PLXNC1: variants seen among roughly 807,000 people sequenced by gnomAD.
PLXNC1 encodes the protein plexin C1, also known as plexin-C1.
Under a neutral mutation model 178.2 loss-of-function variants are expected in PLXNC1, and 75 were observed. The ratio of observed to expected loss-of-function variants is 0.42; its 90% CI spans 0.35 to 0.51. The LOEUF is 0.51. Ranked by LOEUF, PLXNC1 falls within the 20% of genes least tolerant of loss-of-function variation. The probability of loss-of-function intolerance (pLI) is 0.02; values close to 1 mark genes in which losing one functional copy is unlikely to be tolerated. For synonymous variants in PLXNC1, 790 were observed against 779.9 expected, an observed-to-expected ratio of 1.01 and a Z score of -0.22; for missense variants, 1,503 against 1,984.4, an observed-to-expected ratio of 0.76 and a Z score of 4.61.
chr12:94,275,484 C>T (rs1053231517), intron 21 of PLXNC1, among the ~76,000 whole-genome samples: 23 of 152,168 alleles, frequency 1.5e-4, no homozygotes, highest in Non-Finnish European at 2.8e-4. Flanking sequence ...CAGAGGCCCG[C>T]GTGCACTTTC....
intron 4 of PLXNC1, among the ~76,000 whole-genome samples, chr12:94,202,881 G>A (rs1456398540): frequency 1.3e-5 from 2 of 152,234 alleles, no homozygotes; most frequent in African/African-American, 4.8e-5. Flanking sequence ...AACATGTATT[G>A]CAGACTGAGG....
intron 5 of PLXNC1, among the ~76,000 whole-genome samples, chr12:94,218,345 C>T (rs1000824002): frequency 3.9e-5 from 6 of 152,140 alleles, no homozygotes; most frequent in African/African-American, 7.2e-5. Flanking sequence ...TTAGACTTAG[C>T]AAGCTTATCA....
At chr12:94,197,305 C>T (rs190004025) in intron 4 of PLXNC1, among the ~76,000 whole-genome samples, 81 of 152,222 alleles carry the variant, frequency 5.3e-4, no homozygotes, top group African/African-American at 1.8e-3. Flanking sequence ...ACCTTTCGGA[C>T]GTGATTAGGT....
At chr12:94,249,928 T>TGTGGGGGTGTGGGGGG (rs1555203481) in intron 14 of PLXNC1, among the ~76,000 whole-genome samples, 1 of 81,620 alleles carries the variant, frequency 1.2e-5, no homozygotes, top group African/African-American at 5.6e-5. Flanking sequence ...AAAGCACCAG[T>TGTGGGGGTGTGGGGGG]GTGGGGGGGT....
intron 15 of PLXNC1, among the ~76,000 whole-genome samples, chr12:94,253,512 G>A (rs1162337306): frequency 6.6e-6 from 1 of 152,084 alleles, no homozygotes; most frequent in Non-Finnish European, 1.5e-5. Flanking sequence ...TGGAAAAAGG[G>A]GTTCCATGGT....
At position 94,196,449 on chromosome 12, in the gene PLXNC1, C is replaced by G. The variant is rs188966560; in HGVS notation, c.1439+9976C>G. ...TGACACACCTGTTCTCCCTTCGCTT[C>G]CAGCATGATTGGAAGCTTCCTGAGC... On this transcript the variant is annotated intron_variant, in intron 4 of 30. Coordinates refer to ENST00000258526, the MANE Select transcript of PLXNC1 (RefSeq NM_005761.3). Among the ~76,000 whole-genome samples, 352 of 152,292 alleles carry G rather than the reference C, an allele frequency of 2.3e-3. 1 individual carries two copies. Among genetic ancestry groups the G allele is most frequent in the African/African-American group, 8.0e-3 (333 of 41,566 alleles).
chr12:94,200,128 C>T (rs768064897), intron 4 of PLXNC1, among the ~76,000 whole-genome samples: 3 of 152,154 alleles, frequency 2.0e-5, no homozygotes, highest in African/African-American at 7.2e-5. Flanking sequence ...TAGTAACTGA[C>T]GTTCTCGGAC....
intron 1 of PLXNC1, among the ~76,000 whole-genome samples, chr12:94,161,506 G>T (rs1239450419): frequency 6.6e-6 from 1 of 152,178 alleles, no homozygotes; most frequent in Non-Finnish European, 1.5e-5. Context: ...GCTACCATCA[G>T]CTACTTTTAT....
intron 3 of PLXNC1, among the ~76,000 whole-genome samples, chr12:94,181,951 T>C (rs1962323914): frequency 6.6e-6 from 1 of 152,104 alleles, no homozygotes; most frequent in Non-Finnish European, 1.5e-5. Context: ...CTTTGGAATT[T>C]GGGGTTAATA....
intron 21 of PLXNC1, among the ~76,000 whole-genome samples, chr12:94,271,208 C>A (rs1965547685): frequency 6.6e-6 from 1 of 152,120 alleles, no homozygotes; most frequent in Admixed American, 6.5e-5. Flanking sequence ...TGCTCCAAGG[C>A]CTTTTATGAT....
intron 24 of PLXNC1, among the ~76,000 whole-genome samples, chr12:94,296,186 A>G (rs1443540707): frequency 3.9e-5 from 6 of 152,218 alleles, no homozygotes; most frequent in Admixed American, 2.6e-4. Flanking sequence ...TTTTTAAGAC[A>G]GTGTCTCGCT....
chr12:94,237,006 G>A (rs982671227), intron 9 of PLXNC1, among the ~76,000 whole-genome samples: 26 of 152,162 alleles, frequency 1.7e-4, no homozygotes, highest in African/African-American at 6.3e-4. Context: ...GGGACTCCAA[G>A]GGACATGTTC....
intron 23 of PLXNC1, among the ~76,000 whole-genome samples, chr12:94,286,667 CAG>C (rs1487557194): frequency 7.0e-6 from 1 of 143,534 alleles, no homozygotes; most frequent in Non-Finnish European, 1.5e-5. Context: ...GGGTCTAATT[CAG>C]AGTTTTAAGT....
intron 23 of PLXNC1, among the ~76,000 whole-genome samples, chr12:94,286,745 G>T (rs920484129): frequency 3.3e-5 from 5 of 151,882 alleles, no homozygotes; most frequent in African/African-American, 1.2e-4. Flanking sequence ...CTGTAGTGAC[G>T]GCCAGTTCCT....
chr12:94,162,712 G>A (rs150800691), intron 1 of PLXNC1, among the ~76,000 whole-genome samples: 12 of 152,208 alleles, frequency 7.9e-5, no homozygotes, highest in Admixed American at 2.0e-4. Context: ...TATTGGATGT[G>A]GGGAGTGACA....
chr12:94,253,698 AG>A (rs1210915240), intron 15 of PLXNC1, among the ~76,000 whole-genome samples: 3 of 151,564 alleles, frequency 2.0e-5, no homozygotes, highest in East Asian at 1.9e-4. Flanking sequence ...TTTTTGAGAA[AG>A]GGTCTCACTT....
At chr12:94,150,270 GT>G (rs1455176920) in intron 1 of PLXNC1, among the ~76,000 whole-genome samples, 3 of 152,158 alleles carry the variant, frequency 2.0e-5, no homozygotes, top group Admixed American at 1.3e-4. Flanking sequence ...GGCGGGGAGG[GT>G]TGGAGTTAGA....
chr12:94,263,418 A>G (rs938810101), intron 20 of PLXNC1, among the ~76,000 whole-genome samples: 5 of 152,122 alleles, frequency 3.3e-5, no homozygotes, highest in African/African-American at 1.2e-4. Flanking sequence ...GCTACTCTCC[A>G]GAAAGTTCTG....
chr12:94,177,075 GTGTATA>G (rs1398034907), intron 2 of PLXNC1, among the ~76,000 whole-genome samples: 4 of 130,656 alleles, frequency 3.1e-5, no homozygotes, highest in Admixed American at 7.8e-5. Flanking sequence ...GTGTGTGTGT[GTGTATA>G]TATATATGTG....
Sources: allele counts gnomAD v4.1 joint callset (sites outside exome capture counted in the v4.1 genomes callset), GRCh38; gene constraint gnomAD v4.1.1; transcripts MANE v1.5; gene names NCBI Gene and HGNC (gene_info 2026-07-23, HGNC 2026-07-21).